ELOVL5: variants seen among roughly 807,000 people sequenced by gnomAD.
The protein encoded by ELOVL5 is ELOVL fatty acid elongase 5.
ELOVL5 carries 8 observed loss-of-function variants against 38.6 expected under a neutral mutation model. The ratio of observed to expected loss-of-function variants is 0.21; its 90% CI spans 0.12 to 0.37. The LOEUF is 0.37. ELOVL5 is among the 10% of genes least tolerant of loss of function. The pLI, the probability that ELOVL5 is intolerant of heterozygous loss-of-function variation, is 1.00. For synonymous variants in ELOVL5, 127 were observed against 133.7 expected (o/e 0.95, Z 0.34); for missense variants, 280 against 367.8 (o/e 0.76, Z 1.95).
intron 1 of ELOVL5, among the ~76,000 whole-genome samples, chr6:53,348,337 T>C (rs975821519): frequency 1.3e-5 from 2 of 150,382 alleles, no homozygotes; most frequent in Non-Finnish European, 3.0e-5. Flanking sequence ...TCGCACAGGC[T>C]CTTCGAACTC....
chr6:53,324,877 G>GA lies in ELOVL5; in HGVS notation c.-9+23939dup, dbSNP rs368360677. ...AGAATTAGCTTGAGGTTTGACAGAA[G>GA]AAACTTGCAGAGAGATGATATACAA... On this transcript the variant is annotated intron_variant, in intron 1 of 7. Coordinates refer to ENST00000304434, the MANE Select transcript of ELOVL5 (RefSeq NM_021814.5). 4.0e-3 allele frequency among the ~76,000 whole-genome samples: 613 copies of GA among 152,206 alleles called. 3 individuals are homozygous for GA. Among genetic ancestry groups the GA allele is most frequent in the African/African-American group, 0.014 (567 of 41,508 alleles).
At chr6:53,312,612 T>C (rs1767889319) in intron 1 of ELOVL5, among the ~76,000 whole-genome samples, 1 of 152,222 alleles carries the variant, frequency 6.6e-6, no homozygotes, top group East Asian at 1.9e-4. Flanking sequence ...GTATGCTGGT[T>C]GTGATATTGT....
chr6:53,328,784 T>C (rs1768658968), intron 1 of ELOVL5, among the ~76,000 whole-genome samples: 1 of 152,064 alleles, frequency 6.6e-6, no homozygotes, highest in African/African-American at 2.4e-5. Context: ...AAAATGAACA[T>C]CTAAAAAGCT....
chr6:53,339,427 G>A (rs1769224256), intron 1 of ELOVL5, among the ~76,000 whole-genome samples: 1 of 152,222 alleles, frequency 6.6e-6, no homozygotes, highest in Non-Finnish European at 1.5e-5. Flanking sequence ...CTTGTCTATA[G>A]CCTGAACACC....
chr6:53,270,826 T>G, intron 6 of ELOVL5, 99 bp from the exon 7 acceptor site: 2 of 1,365,012 alleles, frequency 1.5e-6, no homozygotes, highest in South Asian at 2.6e-5. Context: ...ATTTCTGAAT[T>G]AACACTTACT....
chr6:53,326,838 G>A (rs1229580244), intron 1 of ELOVL5, among the ~76,000 whole-genome samples: 1 of 152,130 alleles, frequency 6.6e-6, no homozygotes, highest in African/African-American at 2.4e-5. Flanking sequence ...CCCAAGGTCT[G>A]CTTTCCCTCA....
At chr6:53,300,749 C>G (rs939329135) in intron 1 of ELOVL5, among the ~76,000 whole-genome samples, 2 of 152,120 alleles carry the variant, frequency 1.3e-5, no homozygotes, top group Non-Finnish European at 2.9e-5. Flanking sequence ...GTCTGGTGCC[C>G]AGGCCTTGCT....
At chr6:53,328,659 A>T (rs1768653614) in intron 1 of ELOVL5, among the ~76,000 whole-genome samples, 1 of 152,248 alleles carries the variant, frequency 6.6e-6, no homozygotes, top group Admixed American at 6.5e-5. Context: ...TATCCAAGAG[A>T]CAGGAACAAA....
At chr6:53,314,016 G>A (rs1477739044) in intron 1 of ELOVL5, among the ~76,000 whole-genome samples, 1 of 152,190 alleles carries the variant, frequency 6.6e-6, no homozygotes, top group Non-Finnish European at 1.5e-5. Flanking sequence ...AAATTATCCA[G>A]CAAGATTAGA....
intron 3 of ELOVL5, among the ~76,000 whole-genome samples, chr6:53,285,883 G>C (rs115653903): frequency 0.011 from 1,722 of 152,260 alleles, 28 homozygotes; most frequent in African/African-American, 0.04. Context: ...TAGGATTACA[G>C]ATGTACACCA....
chr6:53,279,322 A>G (rs1766268589), intron 3 of ELOVL5, among the ~76,000 whole-genome samples: 1 of 152,178 alleles, frequency 6.6e-6, no homozygotes. Context: ...AATCCTATCT[A>G]TCCTTCAAAG....
At position 53,341,245 on chromosome 6, in the gene ELOVL5, T is replaced by G. The variant is rs114704206; in HGVS notation, c.-9+7572A>C. ...TAAATGTTATTCCCTATTAGCTTTC[T>G]TTATCTAAACCTTTATTTAGTTACT... On this transcript the variant is annotated intron_variant, in intron 1 of 7. Transcript: ENST00000304434. 4.3e-3 allele frequency among the ~76,000 whole-genome samples: 661 copies of G among 152,364 alleles called. 8 individuals are homozygous for G. Among genetic ancestry groups the G allele is most frequent in the African/African-American group, 0.015 (638 of 41,584 alleles).
intron 1 of ELOVL5, among the ~76,000 whole-genome samples, chr6:53,347,052 A>T (rs1288322224): frequency 2.6e-5 from 4 of 152,222 alleles, no homozygotes; most frequent in Non-Finnish European, 5.9e-5. Flanking sequence ...CAAGGAGGTG[A>T]GGTCAATATC....
Position 53,307,473 on chromosome 6 carries a change from G to A in ELOVL5, c.-8-11766C>T, listed in dbSNP as rs547098545. Among the ~76,000 whole-genome samples, 84 of 152,326 alleles carry A rather than the reference G, an allele frequency of 5.5e-4. 1 individual carries two copies. Among genetic ancestry groups the A allele is most frequent in the African/African-American group, 1.9e-3 (77 of 41,572 alleles). Reference sequence around the variant, plus strand: ...AATAGTGTGTGGCACAGCAAGTACCGTAAAAATGTTTCTATTATTATCATC... The same window carrying A: ...AATAGTGTGTGGCACAGCAAGTACCATAAAAATGTTTCTATTATTATCATC... On this transcript the variant is annotated intron_variant, in intron 1 of 7. Transcript: ENST00000304434.
At chr6:53,331,534 C>T (rs187811703) in intron 1 of ELOVL5, among the ~76,000 whole-genome samples, 298 of 152,172 alleles carry the variant, frequency 2.0e-3, no homozygotes, top group Non-Finnish European at 3.5e-3. Flanking sequence ...TTAAGATGAC[C>T]CCTACTTCAC....
chr6:53,276,231 T>C lies in ELOVL5; in HGVS notation c.272A>G (p.Lys91Arg). The C allele has an allele frequency of 6.2e-7, 1 of 1,613,310 alleles. No individual in the cohort carries two copies. The highest frequency in any genetic ancestry group is 8.5e-7 in the Non-Finnish European group (1 of 1,179,254). ...TGTGCCCTGACAGAAGAAGTTGTATTTGCCTTCCCATACTCCTGTTACTAA... is the reference window on the plus strand; with the variant it reads ...TGTGCCCTGACAGAAGAAGTTGTATCTGCCTTCCCATACTCCTGTTACTAA... The part of the protein sequence containing the change: ...CELVTGVWEG[K>R]YNFFCQGTRT... Residue 91 changes from lysine to arginine, a missense_variant, in exon 4 of 8, where the codon AAA becomes AGA. Lys to Arg is a conservative substitution (Grantham distance 26, BLOSUM62 2). Transcript: ENST00000304434.
chr6:53,327,751 C>T (rs1214540478), intron 1 of ELOVL5, among the ~76,000 whole-genome samples: 1 of 152,166 alleles, frequency 6.6e-6, no homozygotes, highest in African/African-American at 2.4e-5. Flanking sequence ...CCAATTCATA[C>T]AGTATCTTTC....
chr6:53,327,580 G>T (rs1173216084), intron 1 of ELOVL5, among the ~76,000 whole-genome samples: 6 of 152,192 alleles, frequency 3.9e-5, no homozygotes, highest in Admixed American at 3.3e-4. Flanking sequence ...CTCCTTTGGG[G>T]ATGTGAAAAT....
chr6:53,273,581 G>C (rs921637593), intron 5 of ELOVL5, among the ~76,000 whole-genome samples: 2 of 152,220 alleles, frequency 1.3e-5, no homozygotes, highest in Non-Finnish European at 2.9e-5. Context: ...AGCTGCTAGA[G>C]GGGCATCTGA....
Sources: gnomAD v4.1 joint callset for allele counts (sites outside exome capture counted in the v4.1 genomes callset) on GRCh38, gnomAD v4.1.1 for gene constraint, MANE v1.5 for transcripts, NCBI Gene and HGNC (gene_info 2026-07-23, HGNC 2026-07-21) for gene names.